The following EGFLAM variants were observed in gnomAD, a reference collection of about 807,000 sequenced individuals.
The protein encoded by EGFLAM is EGF like, fibronectin type III and laminin G domains.
EGFLAM carries 79 observed loss-of-function variants against 113.1 expected under a neutral mutation model. That is an observed-to-expected ratio of 0.70 (90% CI 0.58 to 0.84). The LOEUF (loss-of-function observed/expected upper bound fraction) is 0.84. Among genes scored for constraint, EGFLAM ranks in the 40% least tolerant of loss-of-function variants. The pLI is 0.00. For synonymous variants in EGFLAM, 504 were observed against 487.6 expected (o/e 1.03, Z -0.44); for missense variants, 1,265 against 1,291.6 (o/e 0.98, Z 0.32).
intron 1 of EGFLAM, among the ~76,000 whole-genome samples, chr5:38,263,437 G>A (rs1757553462): frequency 6.6e-6 from 1 of 152,144 alleles, no homozygotes. Context: ...ACTCCACCCT[G>A]GGTGACAGAG....
chr5:38,350,489 G>A lies in EGFLAM; in HGVS notation c.292-12G>A. On this transcript the variant is annotated splice_polypyrimidine_tract_variant and intron_variant, in intron 3 of 21. Coordinates refer to ENST00000322350, the MANE Select transcript of EGFLAM (RefSeq NM_152403.4). Reference sequence around the variant, plus strand: ...CTGATTGTTAGCATCTTTCTTGTTTGGTCATTGACAGGAGGAAGTGATTGG... The same window carrying A: ...CTGATTGTTAGCATCTTTCTTGTTTAGTCATTGACAGGAGGAAGTGATTGG... The A allele has an allele frequency of 6.2e-7, 1 of 1,611,770 alleles. No individual in the cohort carries two copies. Among genetic ancestry groups the A allele is most frequent in the Non-Finnish European group, 8.5e-7 (1 of 1,178,362 alleles).
intron 17 of EGFLAM, among the ~76,000 whole-genome samples, chr5:38,444,317 G>C (rs1478208349): frequency 6.6e-6 from 1 of 152,192 alleles, no homozygotes; most frequent in Non-Finnish European, 1.5e-5. Context: ...AAATGGTAGA[G>C]AGAAGTGGGG....
intron 19 of EGFLAM, among the ~76,000 whole-genome samples, chr5:38,455,070 C>G (rs1247338519): frequency 2.0e-5 from 3 of 152,156 alleles, no homozygotes; most frequent in Non-Finnish European, 4.4e-5. Flanking sequence ...CTTGACTGTT[C>G]ACAGTGAACA....
At position 38,376,190 on chromosome 5, in the gene EGFLAM, T is replaced by C. The variant is rs1037751950; in HGVS notation, c.712+5728T>C. 3.9e-5 allele frequency among the ~76,000 whole-genome samples: 6 copies of C among 152,216 alleles called. No individual in the cohort carries two copies. The South Asian group carries it at 1.2e-3, about 32-fold the overall frequency. On this transcript the variant is annotated intron_variant, in intron 6 of 21. Transcript: ENST00000322350. ...TTCACTGCCTCCACTGGCCACCAAC[T>C]ACTGAGCTTGAAGCTTAATGAGTAC...
Position 38,406,137 on chromosome 5 carries a change from G to A in EGFLAM, c.724G>A (p.Ala242Thr). The change falls in exon 7 of 22, where the codon GCG (alanine) becomes ACG (threonine). Residue 242 changes from alanine (A) to threonine (T), a missense_variant. Coordinates refer to ENST00000322350, the MANE Select transcript of EGFLAM (RefSeq NM_152403.4). ...DIIRTLCPEE[A>T]GSGRYGPRYI... ...TTTTCTTTGTGAAGGCCCTGAGGAGGCGGGAAGTGGCCGCTATGGACCCCG... is the reference window on the plus strand; with the variant it reads ...TTTTCTTTGTGAAGGCCCTGAGGAGACGGGAAGTGGCCGCTATGGACCCCG... 4 of 1,614,114 alleles carry A rather than the reference G, an allele frequency of 2.5e-6. No individual in the cohort carries two copies. The highest frequency in any genetic ancestry group is 2.5e-6 in the Non-Finnish European group (3 of 1,180,008).
intron 3 of EGFLAM, among the ~76,000 whole-genome samples, chr5:38,349,549 A>ACTT: frequency 6.6e-6 from 1 of 152,280 alleles, no homozygotes; most frequent in East Asian, 1.9e-4. Context: ...AGCTAACAAT[A>ACTT]AGTGGCAGAA....
rs1758462811 is a variant in EGFLAM at position 38,296,847 on chromosome 5, C to T, written c.97+37996C>T. 2.0e-5 allele frequency among the ~76,000 whole-genome samples: 3 copies of T among 152,056 alleles called. No homozygotes were observed. The South Asian group carries it at 6.2e-4, about 32-fold the overall frequency. ...CATCACCAGTAATAAGACATATTGA[C>T]ACTGTGTACCCCTTGATATAATTTA... On this transcript the variant is annotated intron_variant, in intron 1 of 21. Transcript: ENST00000322350.
At chr5:38,359,879 C>G (rs1314195207) in intron 5 of EGFLAM, among the ~76,000 whole-genome samples, 1 of 152,208 alleles carries the variant, frequency 6.6e-6, no homozygotes, top group African/African-American at 2.4e-5. Context: ...TAGTCCCTGG[C>G]AGATGCCTTC....
At chr5:38,299,157 C>T (rs1391450153) in intron 1 of EGFLAM, among the ~76,000 whole-genome samples, 2 of 152,320 alleles carry the variant, frequency 1.3e-5, no homozygotes, top group East Asian at 3.9e-4. Flanking sequence ...AGACTTTTCT[C>T]TTGGTCACTA....
intron 3 of EGFLAM, among the ~76,000 whole-genome samples, chr5:38,343,157 A>C (rs1739383550): frequency 6.6e-6 from 1 of 152,110 alleles, no homozygotes; most frequent in African/African-American, 2.4e-5. Context: ...TAATCCCAGC[A>C]CTTTGGGAGG....
chr5:38,463,164 C>T (rs1019583754), intron 21 of EGFLAM, among the ~76,000 whole-genome samples, 153 bp downstream of exon 21: 1 of 152,166 alleles, frequency 6.6e-6, no homozygotes, highest in African/African-American at 2.4e-5. Context: ...TTCTGAACTG[C>T]TGACTCATGG....
chr5:38,410,260 T>C (rs943882809), intron 10 of EGFLAM, among the ~76,000 whole-genome samples: 3 of 152,208 alleles, frequency 2.0e-5, no homozygotes, highest in Admixed American at 6.5e-5. Flanking sequence ...CTTTACTAAA[T>C]GATTTGATTC....
At position 38,446,439 on chromosome 5, in the gene EGFLAM, C is replaced by T. The variant is rs1020302469; in HGVS notation, c.2465-1862C>T. ...TCCCTTCTTTCTCATTCATGCCACCCGTTTTCCTACTCGGCTCCTTTCCCG... is the reference window on the plus strand; with the variant it reads ...TCCCTTCTTTCTCATTCATGCCACCTGTTTTCCTACTCGGCTCCTTTCCCG... On this transcript the variant is annotated intron_variant, in intron 17 of 21. Coordinates refer to ENST00000322350, the MANE Select transcript of EGFLAM (RefSeq NM_152403.4). Among the ~76,000 whole-genome samples the T allele has an allele frequency of 5.9e-5, 9 of 152,242 alleles. 1 individual carries two copies. Among genetic ancestry groups the T allele is most frequent in the South Asian group, 2.1e-4 (1 of 4,812 alleles).
At chr5:38,281,393 A>G (rs1388593218) in intron 1 of EGFLAM, among the ~76,000 whole-genome samples, 1 of 152,158 alleles carries the variant, frequency 6.6e-6, no homozygotes, top group Admixed American at 6.5e-5. Flanking sequence ...ATTGGATCAA[A>G]CAAATAATTT....
chr5:38,394,449 T>G (rs9764251), intron 6 of EGFLAM, among the ~76,000 whole-genome samples: 4,950 of 151,798 alleles, frequency 0.033, 293 homozygotes, highest in African/African-American at 0.11. Context: ...CCGCTCTGTC[T>G]CCCAGGCTGG....
intron 1 of EGFLAM, among the ~76,000 whole-genome samples, chr5:38,310,985 T>G (rs1167604696): frequency 6.6e-6 from 1 of 152,062 alleles, no homozygotes; most frequent in Non-Finnish European, 1.5e-5. Context: ...CCCACTGCCC[T>G]GCGACCCTTC....
At chr5:38,442,001 CA>C (rs1391128627) in intron 17 of EGFLAM, among the ~76,000 whole-genome samples, 1 of 152,204 alleles carries the variant, frequency 6.6e-6, no homozygotes, top group Non-Finnish European at 1.5e-5. Context: ...CAGGGGCGCA[CA>C]GTCCTCAAGT....
At chr5:38,421,418 T>C (rs1741818951) in intron 12 of EGFLAM, among the ~76,000 whole-genome samples, 1 of 152,240 alleles carries the variant, frequency 6.6e-6, no homozygotes, top group African/African-American at 2.4e-5. Context: ...GCTGGAGCAG[T>C]CACAGAGCCA....
chr5:38,307,975 T>C (rs760048328), intron 1 of EGFLAM, among the ~76,000 whole-genome samples: 4 of 152,226 alleles, frequency 2.6e-5, no homozygotes, highest in Non-Finnish European at 5.9e-5. Context: ...TCTCAGTTTG[T>C]TTCAGTTTGT....
Sources: allele counts gnomAD v4.1 joint callset (sites outside exome capture counted in the v4.1 genomes callset), GRCh38; gene constraint gnomAD v4.1.1; transcripts MANE v1.5; gene names NCBI Gene and HGNC (gene_info 2026-07-23, HGNC 2026-07-21).